TCF3: variants seen among roughly 807,000 people sequenced by gnomAD.
TCF3 encodes the protein transcription factor E2-alpha.
A neutral mutation model predicts 72.3 loss-of-function variants in TCF3; 54 were observed. The ratio of observed to expected loss-of-function variants is 0.75; its 90% CI spans 0.60 to 0.94. The LOEUF (loss-of-function observed/expected upper bound fraction) is 0.94. TCF3 is among the 40% of genes least tolerant of loss of function. The probability of loss-of-function intolerance (pLI) is 0.00; values close to 1 mark genes in which losing one functional copy is unlikely to be tolerated. For synonymous variants in TCF3, 525 were observed against 412.6 expected, an observed-to-expected ratio of 1.27 and a Z score of -3.30; for missense variants, 1,078 against 934.4, an observed-to-expected ratio of 1.15 and a Z score of -2.00.
chr19:1,651,904 G>A lies in TCF3; in HGVS notation c.-40+396C>T, dbSNP rs542599926. Among the ~76,000 whole-genome samples, 393 of 147,594 alleles carry A rather than the reference G, an allele frequency of 2.7e-3. 1 individual carries two copies. Among genetic ancestry groups the A allele is most frequent in the African/African-American group, 9.0e-3 (362 of 40,152 alleles). ...CCGCGCGCTCCCCACCCCAAACTCC[G>A]GCGCCCGGGCCGGGCCCCCCTCTAC... On this transcript the variant is annotated intron_variant, in intron 1 of 18. Coordinates refer to ENST00000262965, the MANE Select transcript of TCF3 (RefSeq NM_003200.5).
At chr19:1,626,927 C>T (rs1284490868) in intron 6 of TCF3, among the ~76,000 whole-genome samples, 7 of 152,128 alleles carry the variant, frequency 4.6e-5, no homozygotes, top group African/African-American at 9.7e-5. Context: ...TGCCCAGCAC[C>T]GGAGGCTGCA....
Position 1,645,630 on chromosome 19 carries a change from C to T in TCF3, c.145+725G>A, listed in dbSNP as rs139546276. On this transcript the variant is annotated intron_variant, in intron 3 of 18. Transcript: ENST00000262965. ...CTGCGGAGACCTTCACTAGAGGTCC[C>T]GCTTTGGGGCAACCTGGCCCTCGCT... is the stretch of plus-strand genomic sequence containing the variant. 3.7e-3 allele frequency among the ~76,000 whole-genome samples: 565 copies of T among 152,278 alleles called. 3 individuals carry two copies. The highest frequency in any genetic ancestry group is 0.013 in the African/African-American group (530 of 41,554).
intron 5 of TCF3, among the ~76,000 whole-genome samples, chr19:1,629,121 G>T (rs533649774): frequency 6.6e-6 from 1 of 151,554 alleles, no homozygotes; most frequent in Non-Finnish European, 1.5e-5. Context: ...GAGGCGGGAA[G>T]GGGACAGCAG....
At position 1,611,631 on chromosome 19, in the gene TCF3, C is replaced by T. The variant is rs986964780; in HGVS notation, c.*76G>A. On this transcript the variant is annotated 3_prime_UTR_variant, in exon 19 of 19. Transcript: ENST00000262965. ...GTGAGGTGTGGATGTGGATGAAGCC[C>T]GGGGTCTCGAGTGGCCGTTCTGGGG... 18 of 1,540,502 alleles carry T rather than the reference C, an allele frequency of 1.2e-5. No homozygotes were observed. In the Admixed American group the frequency reaches 1.9e-4, roughly 17 times the overall value.
chr19:1,638,889 A>G (rs2064841694), intron 3 of TCF3, among the ~76,000 whole-genome samples: 1 of 152,362 alleles, frequency 6.6e-6, no homozygotes, highest in East Asian at 1.9e-4. Flanking sequence ...ACGAAGATGG[A>G]CGGGTGCTTA....
chr19:1,640,359 C>A (rs1200317789), intron 3 of TCF3, among the ~76,000 whole-genome samples: 2 of 151,602 alleles, frequency 1.3e-5, no homozygotes, highest in Non-Finnish European at 2.9e-5. Flanking sequence ...CACGGTGAAA[C>A]CCTGCCTCTA....
intron 3 of TCF3, among the ~76,000 whole-genome samples, chr19:1,642,843 G>A (rs976878100): frequency 2.6e-5 from 4 of 152,190 alleles, no homozygotes; most frequent in Admixed American, 6.5e-5. Context: ...GCACCCGGAG[G>A]AAATGACCCA....
At chr19:1,645,899 G>A (rs965628971) in intron 3 of TCF3, among the ~76,000 whole-genome samples, 1 of 152,196 alleles carries the variant, frequency 6.6e-6, no homozygotes, top group African/African-American at 2.4e-5. Flanking sequence ...CATACAGCAA[G>A]CGCCTAATAC....
chr19:1,610,242 G>A lies in TCF3; in HGVS notation c.*1465C>T, dbSNP rs190052389. 2.1e-4 allele frequency: 48 copies of A among 232,116 alleles called. No individual in the cohort carries two copies. Among genetic ancestry groups the A allele is most frequent in the Admixed American group, 3.9e-4 (7 of 17,766 alleles). 14.4% of individuals were successfully genotyped at this position (232,116 alleles called of 1,614,324 possible). ...GTCGGACGCACAGCCCAAGGCCTTC[G>A]TGGGGCTCAGACCAGCACAGTCCCC... On this transcript the variant is annotated 3_prime_UTR_variant, in exon 19 of 19. Transcript: ENST00000262965.
intron 1 of TCF3, chr19:1,650,613 C>G: frequency 3.7e-6 from 1 of 273,102 alleles, no homozygotes. Context: ...GCACGCAGGG[C>G]AGCCAGAACC....
chr19:1,635,322 A>G (rs1296852497), intron 3 of TCF3, among the ~76,000 whole-genome samples: 1 of 152,198 alleles, frequency 6.6e-6, no homozygotes, highest in Non-Finnish European at 1.5e-5. Context: ...TCCCTGCAGC[A>G]GCTTCCTTCC....
Position 1,615,652 on chromosome 19 carries a change from TGAGGGTGGG to T in TCF3, c.1586+25_1586+33del. On this transcript the variant is annotated intron_variant, in intron 17 of 18. Transcript: ENST00000262965. The surrounding 1 kb of genome is among the most constrained non-coding windows in gnomAD (Gnocchi z 7.3). ...TGTGCACATGTGCGTCCTGATGGGGTGAGGGTGGGGAGTGCCGAGGGGTGGGTTGGCACC... is the reference window on the plus strand; with the variant it reads ...TGTGCACATGTGCGTCCTGATGGGGTGAGTGCCGAGGGGTGGGTTGGCACC... 1 of 1,609,348 alleles carries T rather than the reference TGAGGGTGGG, an allele frequency of 6.2e-7. No individual in the cohort carries two copies. Among genetic ancestry groups the T allele is most frequent in the Non-Finnish European group, 8.5e-7 (1 of 1,178,838 alleles).
intron 4 of TCF3, 39 bp downstream of exon 4, chr19:1,632,293 C>A: frequency 6.4e-7 from 1 of 1,561,680 alleles, no homozygotes. Flanking sequence ...ACTCTGGGGA[C>A]AGGAAACTCA....
chr19:1,611,934 G>C lies in TCF3; in HGVS notation c.1823-85C>G, dbSNP rs576324409. 7.8e-5 allele frequency: 17 copies of C among 219,126 alleles called. 1 individual carries two copies. In the South Asian group the frequency reaches 1.1e-3, roughly 14 times the overall value. 13.6% of individuals were successfully genotyped at this position (219,126 alleles called of 1,614,324 possible). ...TGGGAGTGGGGGGTAGGATGTCGGG[G>C]GGGGGGGTGGGGGCAGAGCCCCATC... On this transcript the variant is annotated intron_variant, in intron 18 of 18. Coordinates refer to ENST00000262965, the MANE Select transcript of TCF3 (RefSeq NM_003200.5).
chr19:1,622,434 T>TG lies in TCF3; in HGVS notation c.550-20dup, dbSNP rs569871996. ...GGTACACCTGCGGGCGGGTGGGCGG[T>TG]GGGGGGTGCAGTCAGGACGGAGGGA... On this transcript the variant is annotated intron_variant, in intron 8 of 18. Coordinates refer to ENST00000262965, the MANE Select transcript of TCF3 (RefSeq NM_003200.5). The TG allele has an allele frequency of 4.4e-4, 217 of 491,252 alleles. No individual in the cohort carries two copies. The highest frequency in any genetic ancestry group is 1.2e-3 in the Admixed American group (35 of 28,414). The allele number at this position is 491,252 out of a possible 1,614,324, so 30.4% of individuals were successfully genotyped here. A position where few individuals can be genotyped will look rare whatever the true frequency, so the allele number is the denominator to read the frequency against.
intron 12 of TCF3, 39 bp from the exon 13 acceptor site, chr19:1,621,085 G>A (rs750415011): frequency 2.8e-5 from 42 of 1,517,518 alleles, no homozygotes; most frequent in East Asian, 2.7e-4. Context: ...GTCAGGGGCC[G>A]GCCTCTCAGG....
At chr19:1,642,578 C>T (rs949452260) in intron 3 of TCF3, among the ~76,000 whole-genome samples, 30 of 152,142 alleles carry the variant, frequency 2.0e-4, no homozygotes, top group African/African-American at 6.8e-4. Flanking sequence ...GGGTCAATCC[C>T]CTTCCGAGAA....
At position 1,622,435 on chromosome 19, in the gene TCF3, G is replaced by A; in HGVS notation, c.550-20C>T. ...GTACACCTGCGGGCGGGTGGGCGGTGGGGGGTGCAGTCAGGACGGAGGGAC... is the reference window on the plus strand; with the variant it reads ...GTACACCTGCGGGCGGGTGGGCGGTAGGGGGTGCAGTCAGGACGGAGGGAC... On this transcript the variant is annotated intron_variant, in intron 8 of 18. Transcript: ENST00000262965. The A allele has an allele frequency of 7.9e-7, 1 of 1,270,996 alleles. No individual in the cohort carries two copies. Among genetic ancestry groups the A allele is most frequent in the Non-Finnish European group, 1.1e-6 (1 of 941,308 alleles). 78.7% of individuals were successfully genotyped at this position (1,270,996 alleles called of 1,614,324 possible). A position where few individuals can be genotyped will look rare whatever the true frequency, so the allele number is the denominator to read the frequency against.
chr19:1,617,525 G>A (rs892079155), intron 16 of TCF3, among the ~76,000 whole-genome samples: 1 of 152,240 alleles, frequency 6.6e-6, no homozygotes, highest in Non-Finnish European at 1.5e-5. Context: ...CGGGCTTGGG[G>A]AGTCCAGGAA....
Sources: gnomAD v4.1 joint callset for allele counts (sites outside exome capture counted in the v4.1 genomes callset) on GRCh38, gnomAD v4.1.1 for gene constraint, Gnocchi (gnomAD v3.1) non-coding constraint, MANE v1.5 for transcripts, NCBI Gene and HGNC (gene_info 2026-07-23, HGNC 2026-07-21) for gene names.